QTMAN: variants seen among roughly 807,000 people sequenced by gnomAD.
QTMAN encodes the protein tRNA-queuosine alpha-mannosyltransferase.
At chr2:143,973,392 A>T in the QTMAN span, among the ~76,000 whole-genome samples, 2 of 152,210 alleles carry the variant, frequency 1.3e-5, no homozygotes, top group African/African-American at 4.8e-5. Flanking sequence ...TTATGTCTAA[A>T]TTAGTAAATT....
chr2:144,332,462 C>G, the QTMAN span: 2 of 147,994 alleles, frequency 1.4e-5, no homozygotes, highest in Non-Finnish European at 3.0e-5. Context: ...TCCTCCTTGT[C>G]TCTCCCTCCT....
the QTMAN span, among the ~76,000 whole-genome samples, chr2:144,285,862 A>G: frequency 1.3e-5 from 2 of 152,312 alleles, no homozygotes; most frequent in Admixed American, 6.5e-5. Flanking sequence ...AAACAACCAC[A>G]GCAATATTCC....
chr2:144,009,168 C>T, the QTMAN span, among the ~76,000 whole-genome samples: 3 of 151,976 alleles, frequency 2.0e-5, no homozygotes, highest in Admixed American at 6.6e-5. Context: ...TAGTGAACCT[C>T]GCTTTCTTGC....
chr2:143,963,005 A>G, the QTMAN span, among the ~76,000 whole-genome samples: 1 of 152,102 alleles, frequency 6.6e-6, no homozygotes, highest in Non-Finnish European at 1.5e-5. Flanking sequence ...TATGTACTTC[A>G]TTACTGGTAA....
the QTMAN span, among the ~76,000 whole-genome samples, chr2:144,115,875 T>C: frequency 6.6e-6 from 1 of 152,120 alleles, no homozygotes; most frequent in South Asian, 2.1e-4. Flanking sequence ...AGAGAAATTC[T>C]TTCACTAGAG....
the QTMAN span, among the ~76,000 whole-genome samples, chr2:144,038,648 C>T: frequency 6.6e-6 from 1 of 152,062 alleles, no homozygotes; most frequent in Admixed American, 6.6e-5. Context: ...AGGGGAATAA[C>T]AACAATAGCA....
chr2:144,202,893 C>G, the QTMAN span, among the ~76,000 whole-genome samples: 4 of 152,162 alleles, frequency 2.6e-5, no homozygotes, highest in Non-Finnish European at 5.9e-5. Flanking sequence ...TGAAGTTGCA[C>G]TGAAGCGCTT....
the QTMAN span, among the ~76,000 whole-genome samples, chr2:144,191,179 C>T: frequency 6.6e-6 from 1 of 152,128 alleles, no homozygotes. Context: ...TTAAATTCTA[C>T]CTAATGTGCT....
the QTMAN span, among the ~76,000 whole-genome samples, chr2:144,280,882 T>C: frequency 1.3e-5 from 2 of 151,994 alleles, no homozygotes; most frequent in Non-Finnish European, 2.9e-5. Context: ...CCCTATGAAA[T>C]TCATGCCTAT....
the QTMAN span, among the ~76,000 whole-genome samples, chr2:144,243,288 G>T: frequency 5.9e-5 from 9 of 152,152 alleles, no homozygotes; most frequent in Non-Finnish European, 1.3e-4. Context: ...ACAGTCCAAT[G>T]CTGTATAACA....
the QTMAN span, among the ~76,000 whole-genome samples, chr2:144,131,037 T>C: frequency 6.6e-6 from 1 of 151,874 alleles, no homozygotes; most frequent in South Asian, 2.1e-4. Context: ...TATCAATCAG[T>C]AATAAATGAT....
chr2:144,015,432 A>C, the QTMAN span, among the ~76,000 whole-genome samples: 1 of 152,096 alleles, frequency 6.6e-6, no homozygotes, highest in African/African-American at 2.4e-5. Context: ...CTCAGTGCCC[A>C]GGTAACTCCC....
chr2:144,129,310 T>C, the QTMAN span, among the ~76,000 whole-genome samples: 1 of 151,786 alleles, frequency 6.6e-6, no homozygotes, highest in African/African-American at 2.4e-5. Flanking sequence ...ACTCATGAAC[T>C]CAAGAGCTGA....
At chr2:144,054,591 G>C in the QTMAN span, among the ~76,000 whole-genome samples, 2 of 152,274 alleles carry the variant, frequency 1.3e-5, no homozygotes, top group East Asian at 1.9e-4. Context: ...TGTCAAAAAG[G>C]AGTTGGTTGT....
the QTMAN span, among the ~76,000 whole-genome samples, chr2:144,060,881 C>T: frequency 1.3e-5 from 2 of 152,134 alleles, no homozygotes; most frequent in African/African-American, 2.4e-5. Flanking sequence ...AAGCCTACTT[C>T]TTTCTAAAAG....
the QTMAN span, among the ~76,000 whole-genome samples, chr2:144,266,775 C>T: frequency 1.3e-5 from 2 of 152,156 alleles, no homozygotes. Context: ...GTACATATGT[C>T]CCCATCTGCA....
chr2:144,261,716 A>G, the QTMAN span, among the ~76,000 whole-genome samples: 1 of 152,238 alleles, frequency 6.6e-6, no homozygotes, highest in South Asian at 2.1e-4. Context: ...CTTGAAGTGC[A>G]TTTAGCACCA....
chr2:144,315,015 A>G, the QTMAN span, among the ~76,000 whole-genome samples: 26 of 151,946 alleles, frequency 1.7e-4, no homozygotes, highest in Non-Finnish European at 3.2e-4. Context: ...CTTCCCAAGT[A>G]GCTGGAATTA....
chr2:144,166,906 C>T, the QTMAN span, among the ~76,000 whole-genome samples: 805 of 152,284 alleles, frequency 5.3e-3, 2 homozygotes, highest in Admixed American at 9.0e-3. Context: ...GCCCCAAGCA[C>T]ATGTGACTGT....
Sources: gnomAD v4.1 joint callset for allele counts (sites outside exome capture counted in the v4.1 genomes callset) on GRCh38, gnomAD v4.1.1 for gene constraint, MANE v1.5 for transcripts, NCBI Gene and HGNC (gene_info 2026-07-23, HGNC 2026-07-21) for gene names.